The following ALK variants were observed in gnomAD, a reference collection of about 807,000 sequenced individuals.
ALK encodes ALK tyrosine kinase receptor.
In ALK, 74 loss-of-function variants were observed where a neutral mutation model predicts 163.1. The observed-to-expected ratio is 0.45, with a 90% CI of 0.38 to 0.55. The LOEUF (loss-of-function observed/expected upper bound fraction) is 0.55, where lower values mean the gene tolerates loss of function less well. ALK is among the 20% of genes least tolerant of loss of function. The probability of loss-of-function intolerance (pLI) is 0.00; values close to 1 mark genes in which losing one functional copy is unlikely to be tolerated. For synonymous variants in ALK, 960 were observed against 843.2 expected (o/e 1.14, Z -2.40); for missense variants, 2,063 against 2,105.3 (o/e 0.98, Z 0.39).
chr2:29,449,232 A>C (rs1670761861), intron 4 of ALK, among the ~76,000 whole-genome samples: 1 of 152,218 alleles, frequency 6.6e-6, no homozygotes. Context: ...ATGTGCTCTC[A>C]CAATATAGTA....
intron 1 of ALK, among the ~76,000 whole-genome samples, chr2:29,804,925 C>T (rs762450556): frequency 1.3e-5 from 2 of 152,182 alleles, no homozygotes; most frequent in Non-Finnish European, 2.9e-5. Context: ...GATTGTCCTA[C>T]ACATCACTTC....
intron 3 of ALK, among the ~76,000 whole-genome samples, chr2:29,673,902 T>G (rs941202704): frequency 6.6e-6 from 1 of 150,822 alleles, no homozygotes; most frequent in Non-Finnish European, 1.5e-5. Context: ...ACATCCCTTG[T>G]AAGTTGGATT....
chr2:29,399,432 G>A (rs1433374622), intron 4 of ALK, among the ~76,000 whole-genome samples: 1 of 152,188 alleles, frequency 6.6e-6, no homozygotes, highest in East Asian at 1.9e-4. Context: ...CAACTAATCT[G>A]ATTCTTACAG....
intron 1 of ALK, among the ~76,000 whole-genome samples, chr2:29,888,472 C>A (rs867691412): frequency 5.3e-5 from 8 of 152,016 alleles, no homozygotes; most frequent in African/African-American, 9.7e-5. Context: ...GGACTTTTCC[C>A]TTTTTCCCAT....
chr2:29,382,386 A>G (rs914840526), intron 5 of ALK, among the ~76,000 whole-genome samples: 1 of 152,200 alleles, frequency 6.6e-6, no homozygotes, highest in Non-Finnish European at 1.5e-5. Context: ...AGGGCAAGGG[A>G]GAAAACATCT....
At chr2:29,752,060 C>G (rs907499706) in intron 1 of ALK, among the ~76,000 whole-genome samples, 4 of 152,150 alleles carry the variant, frequency 2.6e-5, no homozygotes, top group African/African-American at 9.7e-5. Context: ...CATCAAAGAC[C>G]TTACCTGTAC....
chr2:29,236,563 C>G (rs1664389269), intron 13 of ALK, among the ~76,000 whole-genome samples: 1 of 152,206 alleles, frequency 6.6e-6, no homozygotes, highest in African/African-American at 2.4e-5. Flanking sequence ...ACCCCTGCTT[C>G]TGATGTCTCC....
intron 3 of ALK, among the ~76,000 whole-genome samples, chr2:29,685,257 T>C (rs1314302248): frequency 6.6e-6 from 1 of 152,114 alleles, no homozygotes; most frequent in Non-Finnish European, 1.5e-5. Flanking sequence ...AACCGAGCCC[T>C]TGGCAGCTGT....
intron 26 of ALK, 139 bp downstream of exon 26, chr2:29,207,032 C>T: frequency 1.4e-6 from 1 of 720,830 alleles, no homozygotes; most frequent in Non-Finnish European, 2.5e-6. Context: ...GTTTGAGAAC[C>T]ACTGTTGTCG....
chr2:29,911,017 A>C (rs1279987746), intron 1 of ALK, among the ~76,000 whole-genome samples: 1 of 152,184 alleles, frequency 6.6e-6, no homozygotes. Flanking sequence ...ACTACTGGGG[A>C]CTCTGAAAAG....
At chr2:29,208,124 G>A (rs1669363572) in intron 25 of ALK, 1 of 444,670 alleles carries the variant, frequency 2.2e-6, no homozygotes, top group Non-Finnish European at 4.6e-6. Context: ...GGATATATAT[G>A]CATTGCAATA....
At chr2:29,581,042 C>T (rs534440773) in intron 3 of ALK, among the ~76,000 whole-genome samples, 1 of 152,326 alleles carries the variant, frequency 6.6e-6, no homozygotes, top group African/African-American at 2.4e-5. Flanking sequence ...CTGCCAAAGC[C>T]TGGCATCAAG....
At chr2:29,752,748 A>C (rs907040729) in intron 1 of ALK, among the ~76,000 whole-genome samples, 1 of 152,162 alleles carries the variant, frequency 6.6e-6, no homozygotes, top group African/African-American at 2.4e-5. Context: ...CACATCCTGT[A>C]CTGACACTGC....
chr2:29,746,331 C>G (rs879570124), intron 1 of ALK, among the ~76,000 whole-genome samples: 5 of 152,164 alleles, frequency 3.3e-5, no homozygotes, highest in Non-Finnish European at 5.9e-5. Flanking sequence ...ATGACAATTG[C>G]TTACTTGACT....
rs79043607 is a variant in ALK at position 29,370,315 on chromosome 2, C to T, written c.1282+13417G>A. On this transcript the variant is annotated intron_variant, in intron 5 of 28. Transcript: ENST00000389048. ...TCTAGTCCTCCCCGAGACAAACTGG[C>T]CCCCTCTAAGGGAGAGTTCTGTGGT... Among the ~76,000 whole-genome samples the T allele has an allele frequency of 4.6e-3, 705 of 152,268 alleles. 8 individuals are homozygous for T. Among genetic ancestry groups the T allele is most frequent in the African/African-American group, 0.016 (679 of 41,546 alleles).
chr2:29,678,154 C>T (rs1677942916), intron 3 of ALK, among the ~76,000 whole-genome samples: 2 of 152,042 alleles, frequency 1.3e-5, no homozygotes, highest in South Asian at 2.1e-4. Flanking sequence ...GATGGTCCCT[C>T]ATTTATTCCT....
intron 4 of ALK, among the ~76,000 whole-genome samples, chr2:29,435,946 A>C (rs1481458975): frequency 6.6e-6 from 1 of 152,216 alleles, no homozygotes; most frequent in African/African-American, 2.4e-5. Flanking sequence ...GAAGCAAAGA[A>C]GGCACTGTAA....
intron 1 of ALK, among the ~76,000 whole-genome samples, chr2:29,769,830 G>C (rs1349217409): frequency 6.6e-6 from 1 of 152,186 alleles, no homozygotes; most frequent in African/African-American, 2.4e-5. Context: ...TTAGATACTG[G>C]GCAGCAAATG....
At chr2:29,318,556 C>T in intron 7 of ALK, 152 bp from the exon 8 acceptor site, 1 of 643,710 alleles carries the variant, frequency 1.6e-6, no homozygotes, top group Non-Finnish European at 2.8e-6. Flanking sequence ...GAAAGCCCAC[C>T]TGTCAACAAT....
Sources: allele counts gnomAD v4.1 joint callset (sites outside exome capture counted in the v4.1 genomes callset), GRCh38; gene constraint gnomAD v4.1.1; transcripts MANE v1.5; gene names NCBI Gene and HGNC (gene_info 2026-07-23, HGNC 2026-07-21).